Variants in GLIS3 observed in about 807,000 individuals in gnomAD.
GLIS3 encodes the protein GLIS family zinc finger 3.
Under a neutral mutation model 78.6 loss-of-function variants are expected in GLIS3, and 53 were observed. The ratio of observed to expected loss-of-function variants is 0.67; its 90% CI spans 0.54 to 0.85. The LOEUF (loss-of-function observed/expected upper bound fraction) is 0.85, where lower values mean the gene tolerates loss of function less well. GLIS3 is among the 40% of genes least tolerant of loss of function. GLIS3 has a pLI of 0.00. For synonymous variants in GLIS3, 684 were observed against 509.9 expected (o/e 1.34, Z -4.60); for missense variants, 1,703 against 1,231.1 (o/e 1.38, Z -5.74).
the GLIS3 span, among the ~76,000 whole-genome samples, chr9:4,405,087 G>A: frequency 2.0e-5 from 3 of 152,014 alleles, no homozygotes; most frequent in African/African-American, 7.2e-5. Flanking sequence ...TGGCGCAGTG[G>A]CTCATGCCTG....
At chr9:3,926,535 T>C (rs1825268186) in intron 6 of GLIS3, among the ~76,000 whole-genome samples, 1 of 151,904 alleles carries the variant, frequency 6.6e-6, no homozygotes, top group East Asian at 1.9e-4. Flanking sequence ...CGGCCTGCAA[T>C]GCTTTTTAAA....
rs1823555884 is a variant in GLIS3 at position 4,028,668 on chromosome 9, A to C, written c.1710+89100T>G. On this transcript the variant is annotated intron_variant, in intron 4 of 10. Transcript: ENST00000381971. ...ATTTTTCCCCAATGCTAATTCCTTA[A>C]CTGAATCCCAACACTATAGATCACT... Among the ~76,000 whole-genome samples, 4 of 152,130 alleles carry C rather than the reference A, an allele frequency of 2.6e-5. 1 individual carries two copies. Among genetic ancestry groups the C allele is most frequent in the Admixed American group, 2.6e-4 (4 of 15,264 alleles).
intron 2 of GLIS3, among the ~76,000 whole-genome samples, chr9:4,143,344 A>T (rs1275665609): frequency 6.6e-6 from 1 of 152,080 alleles, no homozygotes; most frequent in Non-Finnish European, 1.5e-5. Context: ...AGGCGGGCAG[A>T]TCACCCGAGG....
At chr9:4,281,848 G>A (rs1038723834) in intron 2 of GLIS3, among the ~76,000 whole-genome samples, 2 of 152,058 alleles carry the variant, frequency 1.3e-5, no homozygotes. Context: ...TAGTTTGCCT[G>A]GTGTCCAAAG....
chr9:4,245,006 G>C (rs1341233236), intron 2 of GLIS3, among the ~76,000 whole-genome samples: 2 of 152,104 alleles, frequency 1.3e-5, no homozygotes, highest in African/African-American at 2.4e-5. Context: ...GATTGATGTA[G>C]ACCCCAAGAA....
intron 4 of GLIS3, among the ~76,000 whole-genome samples, chr9:4,074,118 C>A (rs546021049): frequency 6.6e-6 from 1 of 152,196 alleles, no homozygotes; most frequent in Non-Finnish European, 1.5e-5. Context: ...CATCCCAATG[C>A]AAGTCACAAG....
intron 2 of GLIS3, among the ~76,000 whole-genome samples, chr9:4,251,152 G>A (rs376995030): frequency 6.6e-5 from 10 of 152,174 alleles, no homozygotes; most frequent in Middle Eastern, 3.2e-3. Flanking sequence ...TTCAAGTCCT[G>A]AATATCCTTG....
Position 3,859,112 on chromosome 9 carries a change from C to T in GLIS3, c.2298-2928G>A, listed in dbSNP as rs565197056. On this transcript the variant is annotated intron_variant, in intron 8 of 10. Transcript: ENST00000381971. The stretch of plus-strand genomic sequence containing the variant: ...TAAGGTCCCTGGGAATGTCAAAACA[C>T]AGTAATGGACAACTCTTCTCTCAGC... Among the ~76,000 whole-genome samples, 5 of 152,210 alleles carry T rather than the reference C, an allele frequency of 3.3e-5. No individual in the cohort carries two copies. In the South Asian group the frequency reaches 1.0e-3, roughly 32 times the overall value.
intron 1 of GLIS3, among the ~76,000 whole-genome samples, chr9:4,297,827 T>TGCCGGGAGCGGGGGAGAGGC (rs1459672366): frequency 6.6e-6 from 1 of 151,880 alleles, no homozygotes; most frequent in African/African-American, 2.4e-5. Flanking sequence ...TCGGGAGAGG[T>TGCCGGGAGCGGGGGAGAGGC]GCCGGGAGCG....
chr9:4,017,117 T>C (rs747919231), intron 4 of GLIS3, among the ~76,000 whole-genome samples: 2 of 152,222 alleles, frequency 1.3e-5, no homozygotes, highest in African/African-American at 2.4e-5. Context: ...TACATTTTTC[T>C]AGACTTCTTC....
intron 4 of GLIS3, among the ~76,000 whole-genome samples, chr9:3,998,051 G>A (rs965934098): frequency 1.3e-5 from 2 of 151,738 alleles, no homozygotes; most frequent in African/African-American, 4.8e-5. Context: ...TGTTCTTTTT[G>A]GTGCTTAAAT....
At chr9:4,366,921 T>G in the GLIS3 span, among the ~76,000 whole-genome samples, 16 of 151,810 alleles carry the variant, frequency 1.1e-4, 1 homozygote, top group South Asian at 3.3e-3. Flanking sequence ...AGCTCCCTCT[T>G]GTGGTCGAGC....
chr9:4,447,510 A>G, the GLIS3 span, among the ~76,000 whole-genome samples: 1 of 152,166 alleles, frequency 6.6e-6, no homozygotes, highest in Non-Finnish European at 1.5e-5. Flanking sequence ...TATTTCATTT[A>G]TCCCATAGTA....
chr9:3,877,464 A>G (rs1490494295), intron 8 of GLIS3, among the ~76,000 whole-genome samples: 2 of 152,218 alleles, frequency 1.3e-5, no homozygotes, highest in Non-Finnish European at 1.5e-5. Context: ...CTAATTGCCA[A>G]TCAGACATAT....
the GLIS3 span, among the ~76,000 whole-genome samples, chr9:4,469,134 A>T: frequency 6.6e-6 from 1 of 152,242 alleles, no homozygotes; most frequent in South Asian, 2.1e-4. Flanking sequence ...AGATTCATTA[A>T]GCAAGTCCTT....
chr9:4,200,000 G>A (rs1473044564), intron 2 of GLIS3, among the ~76,000 whole-genome samples: 1 of 152,040 alleles, frequency 6.6e-6, no homozygotes, highest in Non-Finnish European at 1.5e-5. Flanking sequence ...TCAATACCAA[G>A]AAGACCTCTC....
At chr9:4,137,312 C>A (rs913817256) in intron 2 of GLIS3, among the ~76,000 whole-genome samples, 2 of 152,166 alleles carry the variant, frequency 1.3e-5, no homozygotes, top group African/African-American at 4.8e-5. Context: ...ACCACCTTGT[C>A]TTCAGGAGTT....
chr9:4,364,217 T>G, the GLIS3 span, among the ~76,000 whole-genome samples: 1 of 152,210 alleles, frequency 6.6e-6, no homozygotes, highest in Non-Finnish European at 1.5e-5. Context: ...GAAAAACTAT[T>G]AACAAACAGA....
At chr9:4,173,822 G>T (rs1413140164) in intron 2 of GLIS3, among the ~76,000 whole-genome samples, 4 of 151,654 alleles carry the variant, frequency 2.6e-5, no homozygotes, top group East Asian at 3.9e-4. Flanking sequence ...TTTAACACTG[G>T]AAAATACTGG....
Sources: allele counts gnomAD v4.1 joint callset (sites outside exome capture counted in the v4.1 genomes callset), GRCh38; gene constraint gnomAD v4.1.1; transcripts MANE v1.5; gene names NCBI Gene and HGNC (gene_info 2026-07-23, HGNC 2026-07-21).